The following RTN1 variants were observed in gnomAD, a reference collection of about 807,000 sequenced individuals.
RTN1 encodes reticulon 1, also known as reticulon-1.
Under a neutral mutation model 65.5 loss-of-function variants are expected in RTN1, and 25 were observed. That is an observed-to-expected ratio of 0.38 (90% CI 0.28 to 0.53). RTN1 has a LOEUF of 0.53. Ranked by LOEUF, RTN1 falls within the 20% of genes least tolerant of loss-of-function variation. The pLI is 0.79. For synonymous variants in RTN1, 471 were observed against 447.6 expected (o/e 1.05, Z -0.66); for missense variants, 983 against 1,025.4 (o/e 0.96, Z 0.57).
intron 1 of RTN1, among the ~76,000 whole-genome samples, chr14:59,749,575 A>AGATATATT (rs1430403883): frequency 2.1e-5 from 1 of 48,526 alleles, no homozygotes; most frequent in African/African-American, 1.6e-4. Context: ...ATAGATATAT[A>AGATATATT]TATATAGATA....
chr14:59,603,156 C>G, intron 7 of RTN1, 33 bp from the exon 8 acceptor site: 2 of 1,611,412 alleles, frequency 1.2e-6, no homozygotes, highest in Non-Finnish European at 1.7e-6. Context: ...ATGAGCATAT[C>G]CAAAGATGAT....
At chr14:59,742,343 A>G (rs1259745629) in intron 2 of RTN1, among the ~76,000 whole-genome samples, 1 of 152,144 alleles carries the variant, frequency 6.6e-6, no homozygotes, top group Non-Finnish European at 1.5e-5. Context: ...GTCAGAAACA[A>G]CATGGTGCTC....
intron 3 of RTN1, among the ~76,000 whole-genome samples, chr14:59,614,519 G>A (rs1446642589): frequency 2.6e-5 from 4 of 152,270 alleles, no homozygotes; most frequent in Non-Finnish European, 4.4e-5. Context: ...TTTTGTTCAC[G>A]TGACTTTAGG....
intron 1 of RTN1, among the ~76,000 whole-genome samples, chr14:59,754,081 A>G (rs1885585286): frequency 2.6e-5 from 4 of 152,226 alleles, no homozygotes; most frequent in Admixed American, 2.6e-4. Flanking sequence ...TCAATTTGTA[A>G]TAACTTCAAA....
intron 3 of RTN1, among the ~76,000 whole-genome samples, chr14:59,641,656 C>T: frequency 6.6e-6 from 1 of 152,226 alleles, no homozygotes; most frequent in South Asian, 2.1e-4. Flanking sequence ...CAGGCATGAG[C>T]CACCATGCCA....
intron 3 of RTN1, among the ~76,000 whole-genome samples, chr14:59,681,693 G>A (rs768697866): frequency 2.6e-5 from 4 of 152,100 alleles, no homozygotes; most frequent in South Asian, 2.1e-4. Context: ...CTTCCTGAAT[G>A]TCTCCTAGGC....
chr14:59,773,071 G>C (rs1174477240), intron 1 of RTN1, among the ~76,000 whole-genome samples: 1 of 151,930 alleles, frequency 6.6e-6, no homozygotes, highest in Non-Finnish European at 1.5e-5. Context: ...AATTTCAGAT[G>C]GTTTGCTATA....
intron 3 of RTN1, among the ~76,000 whole-genome samples, chr14:59,652,830 A>G (rs1162537769): frequency 6.6e-6 from 1 of 152,144 alleles, no homozygotes; most frequent in African/African-American, 2.4e-5. Context: ...AAAACACAGA[A>G]TTATTAAACA....
chr14:59,672,724 T>C (rs1221574765), intron 3 of RTN1, among the ~76,000 whole-genome samples: 3 of 133,980 alleles, frequency 2.2e-5, no homozygotes, highest in South Asian at 2.6e-4. Flanking sequence ...CACTGCAAGC[T>C]CCGCTTCCCG....
At chr14:59,632,583 AT>A (rs34651943) in intron 3 of RTN1, among the ~76,000 whole-genome samples, 121,380 of 151,972 alleles carry the variant, frequency 0.8, 48,577 homozygotes, top group Admixed American at 0.86. Flanking sequence ...CCCAGTTATC[AT>A]TCCCTAAGTC....
intron 2 of RTN1, among the ~76,000 whole-genome samples, chr14:59,741,822 C>T (rs1885122795): frequency 6.6e-6 from 1 of 152,198 alleles, no homozygotes; most frequent in East Asian, 1.9e-4. Flanking sequence ...TCCCTCCTAG[C>T]TTCTCTCTGA....
chr14:59,605,673 C>T (rs1950785), intron 4 of RTN1, 167 bp from the exon 5 acceptor site: 319,107 of 604,608 alleles, frequency 0.53, 89,054 homozygotes, highest in East Asian at 0.83. Flanking sequence ...ACCGTACACA[C>T]CTGCTTCCAT....
intron 3 of RTN1, among the ~76,000 whole-genome samples, chr14:59,701,183 G>A (rs1884170701): frequency 6.6e-6 from 1 of 152,164 alleles, no homozygotes; most frequent in Non-Finnish European, 1.5e-5. Flanking sequence ...AAAAGTGTGA[G>A]GATGTGGAGA....
chr14:59,677,971 C>A (rs1471406688), intron 3 of RTN1, among the ~76,000 whole-genome samples: 1 of 152,196 alleles, frequency 6.6e-6, no homozygotes, highest in Non-Finnish European at 1.5e-5. Context: ...AAATAACATT[C>A]TTTTCTCACT....
At chr14:59,625,159 T>C (rs1224333039) in intron 3 of RTN1, among the ~76,000 whole-genome samples, 1 of 152,186 alleles carries the variant, frequency 6.6e-6, no homozygotes, top group Non-Finnish European at 1.5e-5. Context: ...TAATGGACGA[T>C]GTCATCCACA....
intron 1 of RTN1, among the ~76,000 whole-genome samples, chr14:59,839,303 C>T (rs1485318510): frequency 6.6e-6 from 1 of 151,984 alleles, no homozygotes; most frequent in Non-Finnish European, 1.5e-5. Flanking sequence ...TTACAGGAAC[C>T]CTATCTTCCT....
At chr14:59,627,725 T>C (rs143998401) in intron 3 of RTN1, among the ~76,000 whole-genome samples, 15 of 152,346 alleles carry the variant, frequency 9.8e-5, no homozygotes, top group African/African-American at 3.4e-4. Flanking sequence ...TTATATATGT[T>C]GATAAGGTTC....
chr14:59,748,455 C>T (rs1401424375), intron 1 of RTN1, among the ~76,000 whole-genome samples: 1 of 151,888 alleles, frequency 6.6e-6, no homozygotes. Context: ...ACCCCCAAGT[C>T]TTTGCTCAAA....
chr14:59,603,900 G>C lies in RTN1; in HGVS notation c.2134C>G (p.Leu712Val). 6.2e-7 allele frequency: 1 copy of C among 1,611,974 alleles called. No homozygotes were observed. Among genetic ancestry groups the C allele is most frequent in the Non-Finnish European group, 8.5e-7 (1 of 1,178,410 alleles). ...SLKFAVLMWL[L>V]TYVGALFNGL... ...TTGAAGAGAGCGCCAACGTAGGTCA[G>C]GAGCCACATCAGGACTGCAAACTGA... The change falls in exon 6 of 9, where the codon CTG becomes GTG. Residue 712 changes from leucine (L) to valine (V), a missense_variant. Physicochemically the swap from Leu to Val is conservative, Grantham distance 32. Around this residue, in one of 2 missense-constraint regions of RTN1, gnomAD observed 165 missense variants for 223.6 expected, o/e 0.74. Transcript: ENST00000267484.
Sources: gnomAD v4.1 joint callset for allele counts (sites outside exome capture counted in the v4.1 genomes callset) on GRCh38, gnomAD v4.1.1 for gene constraint, gnomAD v4.1.1 regional missense constraint, MANE v1.5 for transcripts, NCBI Gene and HGNC (gene_info 2026-07-23, HGNC 2026-07-21) for gene names.